The following BICC1 variants were observed in gnomAD, a reference collection of about 807,000 sequenced individuals.
BICC1 encodes BicC family RNA binding protein 1.
Under a neutral mutation model 111.0 loss-of-function variants are expected in BICC1, and 43 were observed. The observed-to-expected ratio is 0.39, with a 90% CI of 0.30 to 0.50. The LOEUF is 0.50. Ranked by LOEUF, BICC1 falls within the 20% of genes least tolerant of loss-of-function variation. The pLI, the probability that BICC1 is intolerant of heterozygous loss-of-function variation, is 0.88. For missense variants in BICC1, 1,091 were observed against 1,203.2 expected, an observed-to-expected ratio of 0.91 and a Z score of 1.38; for synonymous variants, 467 against 434.4, an observed-to-expected ratio of 1.07 and a Z score of -0.93.
At chr10:58,786,814 T>G (rs1843022532) in intron 4 of BICC1, 109 bp from the exon 5 acceptor site, 2 of 663,834 alleles carry the variant, frequency 3.0e-6, no homozygotes. Context: ...GAAATAAGAT[T>G]TCCCACTGAC....
chr10:58,539,106 G>T (rs1376046404), intron 1 of BICC1, among the ~76,000 whole-genome samples: 2 of 151,624 alleles, frequency 1.3e-5, no homozygotes, highest in Admixed American at 1.3e-4. Flanking sequence ...TCACAGCACA[G>T]TTCACAATTG....
chr10:58,783,745 C>G (rs1419969303), intron 3 of BICC1, among the ~76,000 whole-genome samples: 1 of 152,112 alleles, frequency 6.6e-6, no homozygotes, highest in Non-Finnish European at 1.5e-5. Flanking sequence ...TGTAGACACT[C>G]AGTAAGGTTG....
chr10:58,565,439 G>C (rs1290163344), intron 1 of BICC1, among the ~76,000 whole-genome samples: 2 of 152,116 alleles, frequency 1.3e-5, no homozygotes, highest in African/African-American at 4.8e-5. Flanking sequence ...AAAATTCTCT[G>C]CCTCTGTGTA....
chr10:58,784,908 T>G (rs940449809), intron 3 of BICC1, 93 bp from the exon 4 acceptor site: 5 of 531,788 alleles, frequency 9.4e-6, no homozygotes, highest in Non-Finnish European at 1.6e-5. Flanking sequence ...TGGAACCTCT[T>G]ATGTTCTAGA....
At chr10:58,685,384 C>T (rs903098136) in intron 2 of BICC1, among the ~76,000 whole-genome samples, 18 of 152,050 alleles carry the variant, frequency 1.2e-4, no homozygotes, top group Admixed American at 2.6e-4. Flanking sequence ...CTATTAGGTC[C>T]GCTTGGTGCA....
At chr10:58,735,961 C>G (rs1320686977) in intron 3 of BICC1, among the ~76,000 whole-genome samples, 1 of 152,178 alleles carries the variant, frequency 6.6e-6, no homozygotes, top group Non-Finnish European at 1.5e-5. Context: ...GCAGGAGTTT[C>G]CCTTGAGCCC....
chr10:58,760,004 G>A (rs971930724), intron 3 of BICC1, among the ~76,000 whole-genome samples: 1 of 151,472 alleles, frequency 6.6e-6, no homozygotes, highest in East Asian at 1.9e-4. Flanking sequence ...AAAGAAGTGA[G>A]AAAGGAGTTT....
At chr10:58,787,584 T>G (rs1053482469) in intron 5 of BICC1, among the ~76,000 whole-genome samples, 18 of 152,222 alleles carry the variant, frequency 1.2e-4, no homozygotes, top group Non-Finnish European at 4.4e-5. Flanking sequence ...CCTGTCCTCA[T>G]GCAAGCGGTT....
At chr10:58,796,294 G>T in intron 9 of BICC1, 46 bp from the exon 10 acceptor site, 2 of 1,535,680 alleles carry the variant, frequency 1.3e-6, no homozygotes, top group South Asian at 1.2e-5. Flanking sequence ...ATTCATTGTA[G>T]ACTACTTGCA....
Position 58,554,125 on chromosome 10 carries a change from G to T in BICC1, c.190+40792G>T, listed in dbSNP as rs574745573. ...ATTTAAAATGAACTGATTCTTTATTGGGTGATAGGTGGAAGGCAGGAATTG... is the reference window on the plus strand; with the variant it reads ...ATTTAAAATGAACTGATTCTTTATTTGGTGATAGGTGGAAGGCAGGAATTG... On this transcript the variant is annotated intron_variant, in intron 1 of 20. Coordinates refer to ENST00000373886, the MANE Select transcript of BICC1 (RefSeq NM_001080512.3). Among the ~76,000 whole-genome samples the T allele has an allele frequency of 9.2e-5, 14 of 152,068 alleles. No individual in the cohort carries two copies. The South Asian group carries it at 2.9e-3, about 32-fold the overall frequency.
intron 2 of BICC1, among the ~76,000 whole-genome samples, chr10:58,672,227 T>C (rs1427669049): frequency 6.6e-6 from 1 of 152,132 alleles, no homozygotes; most frequent in Admixed American, 6.6e-5. Context: ...TCCATACCCA[T>C]TTAACAATAA....
At chr10:58,724,496 C>T (rs1267377554) in intron 3 of BICC1, among the ~76,000 whole-genome samples, 1 of 152,158 alleles carries the variant, frequency 6.6e-6, no homozygotes, top group Non-Finnish European at 1.5e-5. Context: ...TCCCAGCCCA[C>T]TCCAATGAAC....
chr10:58,684,632 A>G (rs1839652108), intron 2 of BICC1, among the ~76,000 whole-genome samples: 1 of 152,100 alleles, frequency 6.6e-6, no homozygotes, highest in African/African-American at 2.4e-5. Context: ...GAATTTATCC[A>G]TTTCTTCTAG....
intron 1 of BICC1, among the ~76,000 whole-genome samples, chr10:58,538,945 C>A (rs1842891910): frequency 6.6e-6 from 1 of 151,602 alleles, no homozygotes; most frequent in South Asian, 2.1e-4. Context: ...TTGGCATGGA[C>A]AGGGTGAAAA....
chr10:58,688,680 C>T (rs1839822440), intron 2 of BICC1, among the ~76,000 whole-genome samples: 1 of 152,146 alleles, frequency 6.6e-6, no homozygotes, highest in Non-Finnish European at 1.5e-5. Context: ...CATATATACA[C>T]CATGTAATAC....
chr10:58,693,008 C>G (rs982758253), intron 2 of BICC1, among the ~76,000 whole-genome samples: 5 of 152,118 alleles, frequency 3.3e-5, no homozygotes, highest in Non-Finnish European at 7.4e-5. Flanking sequence ...CTATCCCTCC[C>G]CACTCTGCCC....
intron 2 of BICC1, among the ~76,000 whole-genome samples, chr10:58,699,311 A>G (rs571545297): frequency 6.6e-6 from 1 of 152,342 alleles, no homozygotes; most frequent in Admixed American, 6.5e-5. Flanking sequence ...CACGGTATAG[A>G]CAGGGAGTTG....
intron 3 of BICC1, among the ~76,000 whole-genome samples, chr10:58,718,890 C>G (rs986460543): frequency 4.6e-5 from 7 of 151,990 alleles, no homozygotes; most frequent in African/African-American, 1.7e-4. Context: ...TCTGAGTTTT[C>G]TTGGTGTAAC....
At chr10:58,768,927 T>C (rs1247735056) in intron 3 of BICC1, among the ~76,000 whole-genome samples, 1 of 151,924 alleles carries the variant, frequency 6.6e-6, no homozygotes, top group Non-Finnish European at 1.5e-5. Context: ...AAAATGGCAA[T>C]AGTAAGTCCA....
Sources: gnomAD v4.1 joint callset for allele counts (sites outside exome capture counted in the v4.1 genomes callset) on GRCh38, gnomAD v4.1.1 for gene constraint, MANE v1.5 for transcripts, NCBI Gene and HGNC (gene_info 2026-07-23, HGNC 2026-07-21) for gene names.